The following AXIN2 variants were observed in gnomAD, a reference collection of about 807,000 sequenced individuals.
AXIN2 encodes the protein axin-2.
Under a neutral mutation model 74.7 loss-of-function variants are expected in AXIN2, and 21 were observed. The observed-to-expected ratio is 0.28, with a 90% CI of 0.20 to 0.40. The LOEUF is 0.40. Ranked by LOEUF, AXIN2 falls within the 10% of genes least tolerant of loss-of-function variation. The pLI, the probability that AXIN2 is intolerant of heterozygous loss-of-function variation, is 1.00. For synonymous variants in AXIN2, 532 were observed against 454.9 expected (o/e 1.17, Z -2.16); for missense variants, 1,144 against 1,111.1 (o/e 1.03, Z -0.42).
chr17:65,546,405 G>C (rs1321312753), intron 3 of AXIN2, among the ~76,000 whole-genome samples: 1 of 152,144 alleles, frequency 6.6e-6, no homozygotes, highest in Non-Finnish European at 1.5e-5. Flanking sequence ...GTGACCGCCC[G>C]GTGCTGGGCA....
rs2144587943 is a variant in AXIN2 at position 65,558,298 on chromosome 17, A to G, written c.323T>C (p.Leu108Ser). 1 of 1,614,162 alleles carries G rather than the reference A, an allele frequency of 6.2e-7. No homozygotes were observed. The highest frequency in any genetic ancestry group is 8.5e-7 in the Non-Finnish European group (1 of 1,180,026). The change falls in exon 2 of 11, where the codon TTA (leucine) becomes TCA (serine). Residue 108 changes from leucine (L) to serine (S), a missense_variant. This residue lies in a region of AXIN2 where 1,053 missense variants were observed against 973.5 expected (regional missense o/e 1.08). Transcript: ENST00000307078. ...TCCATTGCAGGCAAACCAGAAGTCT[A>G]AGGTATCCACGCATTTCTCCCTCTC... is the stretch of plus-strand genomic sequence containing the variant. ...FLEREKCVDT[L>S]DFWFACNGFR...
In AXIN2 at chr17:65,536,758, G is replaced by A. The variant is rs2144446567; in HGVS notation, c.1907+111C>T. On this transcript the variant is annotated intron_variant, in intron 7 of 10. Transcript: ENST00000307078. ...AACGTTTAATATTAAGATGGCAGGA[G>A]CAAATAGTCACATTTGTATTCCGCG... The A allele has an allele frequency of 8.6e-6, 13 of 1,506,178 alleles. No homozygotes were observed. In the South Asian group the frequency reaches 1.4e-4, roughly 16 times the overall value. The allele number at this position is 1,506,178 out of a possible 1,614,324, so 93.3% of individuals were successfully genotyped here.
At chr17:65,538,773 G>A (rs931116535) in intron 4 of AXIN2, among the ~76,000 whole-genome samples, 1 of 143,678 alleles carries the variant, frequency 7.0e-6, no homozygotes, top group Non-Finnish European at 1.5e-5. Context: ...TAAACAGAAA[G>A]AGAGTTGAAA....
In AXIN2 at chr17:65,537,416, G is replaced by A. The variant is rs900138742; in HGVS notation, c.1620C>T (p.His540=). ...EIEAEATQRV[H]CFCPGGSEYY... ...ACTCGCTGCCCCCAGGGCAGAAGCA[G>A]TGCACCCGCTGCGTGGCCTCCGCCT... Residue 540 remains histidine, a synonymous_variant, in exon 6 of 11, where the codon CAC becomes CAT. Transcript: ENST00000307078. 1 of 1,614,104 alleles carries A rather than the reference G, an allele frequency of 6.2e-7. No homozygotes were observed.
At chr17:65,558,834 G>C in intron 1 of AXIN2, 98 bp from the exon 2 acceptor site, 1 of 597,042 alleles carries the variant, frequency 1.7e-6, no homozygotes, top group Non-Finnish European at 3.0e-6. Flanking sequence ...AAGTAAACAG[G>C]CTTTTCAACT....
In AXIN2 at chr17:65,558,644, G is replaced by C. The variant is rs781660710; in HGVS notation, c.-24C>G. The C allele has an allele frequency of 2.6e-5, 41 of 1,597,856 alleles. 1 individual carries two copies. In the Middle Eastern group the frequency reaches 2.6e-3, roughly 99 times the overall value. ...ATGGTGAGGGAGCTCTTCCCACTGA[G>C]TCTGGGAATTTTTCTTCTTCCAGTT... On this transcript the variant is annotated 5_prime_UTR_variant, in exon 2 of 11. Transcript: ENST00000307078.
rs9903837 is a variant in AXIN2 at position 65,534,371 on chromosome 17, C to T, written c.2238-292G>A. Among the ~76,000 whole-genome samples, 1,930 of 152,274 alleles carry T rather than the reference C, an allele frequency of 0.013. 47 individuals carry two copies. The highest frequency in any genetic ancestry group is 0.044 in the African/African-American group (1,819 of 41,544). On this transcript the variant is annotated intron_variant, in intron 9 of 10. Transcript: ENST00000307078. ...CCCACCGCCACCAAATGAAAGTATACGGCGGCCTCTTTCAGGCTGGCATAA... is the reference window on the plus strand; with the variant it reads ...CCCACCGCCACCAAATGAAAGTATATGGCGGCCTCTTTCAGGCTGGCATAA...
chr17:65,532,980 C>T (rs969497325), intron 10 of AXIN2, among the ~76,000 whole-genome samples: 1 of 152,250 alleles, frequency 6.6e-6, no homozygotes, highest in Non-Finnish European at 1.5e-5. Context: ...AGAATCCACA[C>T]ATTCTCTTGG....
In AXIN2 at chr17:65,546,017, T is replaced by C. The variant is rs1314712828; in HGVS notation, c.956+3503A>G. Among the ~76,000 whole-genome samples, 4 of 152,004 alleles carry C rather than the reference T, an allele frequency of 2.6e-5. 1 individual carries two copies. The East Asian group carries it at 7.8e-4, about 30-fold the overall frequency. On this transcript the variant is annotated intron_variant, in intron 3 of 10. Transcript: ENST00000307078. ...ATGAACTCCAACCTTCTGGAGTCTA[T>C]TGAAGGCTGCCTGTGACCCCCTCTC...
intron 2 of AXIN2, among the ~76,000 whole-genome samples, chr17:65,551,344 A>T (rs2044190618): frequency 6.6e-6 from 1 of 151,978 alleles, no homozygotes; most frequent in South Asian, 2.1e-4. Context: ...TCCCTAGACT[A>T]GGGAGAGAGA....
Position 65,561,546 on chromosome 17 carries a change from G to GT in AXIN2, c.-214dup, listed in dbSNP as rs2044376723. On this transcript the variant is annotated 5_prime_UTR_variant, in exon 1 of 11. Coordinates refer to ENST00000307078, the MANE Select transcript of AXIN2 (RefSeq NM_004655.4). Reference sequence around the variant, plus strand: ...ATTTTTATTTCCCGGCTCTCGGGCTGTTACTGAGTTGCCAGGACCTTATCA... The same window carrying GT: ...ATTTTTATTTCCCGGCTCTCGGGCTGTTTACTGAGTTGCCAGGACCTTATCA... 1 of 151,114 alleles carries GT rather than the reference G, an allele frequency of 6.6e-6. No individual in the cohort carries two copies. The highest frequency in any genetic ancestry group is 1.5e-5 in the Non-Finnish European group (1 of 67,512). 9.4% of individuals were successfully genotyped at this position (151,114 alleles called of 1,614,324 possible). A position where few individuals can be genotyped will look rare whatever the true frequency, so the allele number is the denominator to read the frequency against.
chr17:65,548,408 G>A (rs2044145746), intron 3 of AXIN2, among the ~76,000 whole-genome samples: 1 of 152,202 alleles, frequency 6.6e-6, no homozygotes, highest in Non-Finnish European at 1.5e-5. Context: ...TGGAATAATA[G>A]ATGGTCCAGT....
At position 65,529,636 on chromosome 17, in the gene AXIN2, A is replaced by C. The variant is rs973003237; in HGVS notation, c.*340T>G. The C allele has an allele frequency of 1.1e-5, 5 of 437,774 alleles. No homozygotes were observed. The highest frequency in any genetic ancestry group is 9.8e-5 in the African/African-American group (5 of 50,884). 27.1% of individuals were successfully genotyped at this position (437,774 alleles called of 1,614,324 possible). Reference sequence around the variant, plus strand: ...GTAAGGATTCCTGTTCAGGTAAGCTATACACAGTTTCTCTTAGTTTATGGA... The same window carrying C: ...GTAAGGATTCCTGTTCAGGTAAGCTCTACACAGTTTCTCTTAGTTTATGGA... On this transcript the variant is annotated 3_prime_UTR_variant, in exon 11 of 11. Transcript: ENST00000307078.
intron 1 of AXIN2, chr17:65,560,233 C>G (rs903564365): frequency 5.9e-5 from 9 of 152,396 alleles, no homozygotes; most frequent in African/African-American, 2.2e-4. Flanking sequence ...GGGGCCGGGG[C>G]GGCCACGGGC....
At position 65,538,194 on chromosome 17, in the gene AXIN2, C is replaced by T. The variant is rs768410635; in HGVS notation, c.1200+9G>A. 2.5e-6 allele frequency: 4 copies of T among 1,614,196 alleles called. No individual in the cohort carries two copies. Among genetic ancestry groups the T allele is most frequent in the South Asian group, 2.2e-5 (2 of 91,086 alleles). On this transcript the variant is annotated intron_variant, in intron 5 of 10. Transcript: ENST00000307078. ...GACGGAAGCAGGAAGAAGGCCTAGG[C>T]CGCATTACCTCTCGGATCTGCTGCA...
chr17:65,529,487 G>A lies in AXIN2; in HGVS notation c.*489C>T, dbSNP rs763712300. ...CTCTGTTAGTGAAGAAACCATGAAC[G>A]CACTCCTAGCTCAACTCCTAAGTTT... On this transcript the variant is annotated 3_prime_UTR_variant, in exon 11 of 11. Coordinates refer to ENST00000307078, the MANE Select transcript of AXIN2 (RefSeq NM_004655.4). 22 of 287,668 alleles carry A rather than the reference G, an allele frequency of 7.6e-5. No homozygotes were observed. Among genetic ancestry groups the A allele is most frequent in the Admixed American group, 1.9e-4 (4 of 21,398 alleles). 17.8% of individuals were successfully genotyped at this position (287,668 alleles called of 1,614,324 possible).
At chr17:65,542,259 T>C (rs1410812409) in intron 3 of AXIN2, among the ~76,000 whole-genome samples, 1 of 152,248 alleles carries the variant, frequency 6.6e-6, no homozygotes, top group Non-Finnish European at 1.5e-5. Flanking sequence ...TGGTGGTCTG[T>C]GCAATCCATT....
At chr17:65,530,247 AAGACGGC>A (rs1225724678) in intron 10 of AXIN2, 145 bp from the exon 11 acceptor site, 3 of 1,139,946 alleles carry the variant, frequency 2.6e-6, no homozygotes, top group Admixed American at 3.9e-5. Context: ...CATCTGCTTT[AAGACGGC>A]AGCTGGGACT....
In AXIN2 at chr17:65,558,337, A is replaced by T; in HGVS notation, c.284T>A (p.Phe95Tyr). The change falls in exon 2 of 11, where the codon TTC becomes TAC. Residue 95 changes from phenylalanine to tyrosine, a missense_variant. Around this residue, in one of 4 missense-constraint regions of AXIN2, gnomAD observed 1,053 missense variants for 973.5 expected, o/e 1.08. Coordinates refer to ENST00000307078, the MANE Select transcript of AXIN2 (RefSeq NM_004655.4). ...LLGDQDGAYL[F>Y]RTFLEREKCV... Reference sequence around the variant, plus strand: ...TTTCTCCCTCTCCAGGAAAGTTCGGAACAGGTAAGCACCGTCTTGATCGCC... The same window carrying T: ...TTTCTCCCTCTCCAGGAAAGTTCGGTACAGGTAAGCACCGTCTTGATCGCC... The T allele has an allele frequency of 6.2e-7, 1 of 1,614,208 alleles. No individual in the cohort carries two copies. Among genetic ancestry groups the T allele is most frequent in the Non-Finnish European group, 8.5e-7 (1 of 1,180,042 alleles).
Sources: gnomAD v4.1 joint callset for allele counts (sites outside exome capture counted in the v4.1 genomes callset) on GRCh38, gnomAD v4.1.1 for gene constraint, gnomAD v4.1.1 regional missense constraint, MANE v1.5 for transcripts, NCBI Gene and HGNC (gene_info 2026-07-23, HGNC 2026-07-21) for gene names.